WASHC2A: variants seen among roughly 807,000 people sequenced by gnomAD.
The protein encoded by WASHC2A is WASH complex subunit 2A.
WASHC2A carries 82 observed loss-of-function variants against 140.3 expected under a neutral mutation model. The observed-to-expected ratio is 0.58, with a 90% CI of 0.49 to 0.70. The LOEUF is 0.70. Among genes scored for constraint, WASHC2A ranks in the 30% least tolerant of loss-of-function variants. The pLI is 0.00. For missense variants in WASHC2A, 985 were observed against 1,521.8 expected (o/e 0.65, Z 5.87); for synonymous variants, 340 against 560.8 (o/e 0.61, Z 5.56).
At chr10:50,104,006 T>G in intron 17 of WASHC2A, 36 bp from the exon 18 acceptor site, 1 of 1,522,802 alleles carries the variant, frequency 6.6e-7, no homozygotes, top group South Asian at 1.1e-5. Context: ...AAACTGATAT[T>G]CCTGTTAACC....
intron 8 of WASHC2A, among the ~76,000 whole-genome samples, chr10:50,089,720 C>T (rs1468319734): frequency 5.3e-5 from 8 of 152,200 alleles, no homozygotes; most frequent in Non-Finnish European, 4.4e-5. Context: ...GCTCTCTAGT[C>T]GTTACAGCTT....
At chr10:50,101,779 A>C (rs1841210310) in intron 17 of WASHC2A, among the ~76,000 whole-genome samples, 1 of 150,448 alleles carries the variant, frequency 6.6e-6, no homozygotes, top group Non-Finnish European at 1.5e-5. Context: ...GGCCATTGTC[A>C]CTGAGGGTCT....
In WASHC2A at chr10:50,067,991, A is replaced by G. The variant is rs1554874473; in HGVS notation, c.-15A>G. The G allele has an allele frequency of 1.2e-6, 2 of 1,605,406 alleles. No homozygotes were observed. The highest frequency in any genetic ancestry group is 2.3e-4 in the Middle Eastern group (1 of 4,424). On this transcript the variant is annotated 5_prime_UTR_variant, in exon 1 of 31. Coordinates refer to ENST00000282633, the MANE Select transcript of WASHC2A (RefSeq NM_001005751.3). ...GTGCTGGCAGCTTCGGAGCCCACCG[A>G]GCCGGGCGGCTAGGATGGTGAGGGC...
intron 3 of WASHC2A, chr10:50,078,049 T>G: frequency 1.7e-6 from 1 of 587,446 alleles, no homozygotes; most frequent in Admixed American, 3.3e-5. Flanking sequence ...AAACCAAGAA[T>G]CACAGTGATT....
intron 16 of WASHC2A, 45 bp downstream of exon 16, chr10:50,097,847 A>T: frequency 6.2e-7 from 1 of 1,611,474 alleles, no homozygotes; most frequent in Non-Finnish European, 8.5e-7. Flanking sequence ...GATCTGCCGC[A>T]TTTTAATAAT....
At chr10:50,126,210 C>G in intron 26 of WASHC2A, 31 bp downstream of exon 26, 1 of 1,612,654 alleles carries the variant, frequency 6.2e-7, no homozygotes, top group South Asian at 1.1e-5. Context: ...ATTTTCAGCT[C>G]TTGTTTGCAT....
intron 5 of WASHC2A, among the ~76,000 whole-genome samples, chr10:50,082,685 A>G (rs1409896773): frequency 6.8e-6 from 1 of 147,640 alleles, no homozygotes; most frequent in Non-Finnish European, 1.5e-5. Context: ...CACCATGGTG[A>G]CCAGGCTGGT....
Position 50,098,316 on chromosome 10 carries a change from C to T in WASHC2A, c.1548+514C>T, listed in dbSNP as rs1285420797. Among the ~76,000 whole-genome samples, 1,138 of 152,086 alleles carry T rather than the reference C, an allele frequency of 7.5e-3. 30 individuals carry two copies. Among genetic ancestry groups the T allele is most frequent in the South Asian group, 0.071 (337 of 4,778 alleles). Reference sequence around the variant, plus strand: ...ATTTAAAATTATCTCGCATATAGTTCATACTGCAATTTCCTCTCTTGTCCC... The same window carrying T: ...ATTTAAAATTATCTCGCATATAGTTTATACTGCAATTTCCTCTCTTGTCCC... On this transcript the variant is annotated intron_variant, in intron 16 of 30. Coordinates refer to ENST00000282633, the MANE Select transcript of WASHC2A (RefSeq NM_001005751.3).
intron 8 of WASHC2A, among the ~76,000 whole-genome samples, chr10:50,087,542 C>T (rs1839493200): frequency 6.6e-6 from 1 of 151,840 alleles, no homozygotes; most frequent in South Asian, 2.1e-4. Context: ...AAAGAAGTTT[C>T]AAAGAAGTGA....
rs1488506201 is a variant in WASHC2A at position 50,082,991 on chromosome 10, T to A, written c.529-1081T>A. 1.3e-4 allele frequency among the ~76,000 whole-genome samples: 15 copies of A among 116,432 alleles called. 5 individuals carry two copies. Among genetic ancestry groups the A allele is most frequent in the South Asian group, 5.9e-4 (2 of 3,388 alleles). The allele number at this position is 116,432 out of a possible 152,430, so 76.4% of individuals were successfully genotyped here. On this transcript the variant is annotated intron_variant, in intron 5 of 30. Coordinates refer to ENST00000282633, the MANE Select transcript of WASHC2A (RefSeq NM_001005751.3). ...CTTCTGTTTATTGAGTTATAATCTTTTTTATTTATTTATTTATTTATTTTG... is the reference window on the plus strand; with the variant it reads ...CTTCTGTTTATTGAGTTATAATCTTATTTATTTATTTATTTATTTATTTTG...
intron 7 of WASHC2A, among the ~76,000 whole-genome samples, chr10:50,086,064 T>C (rs1387497872): frequency 0.17 from 20,401 of 119,412 alleles, 2,494 homozygotes; most frequent in Middle Eastern, 0.28. Flanking sequence ...GAGTTTGAGT[T>C]TGTGGGCCTT....
At position 50,132,965 on chromosome 10, in the gene WASHC2A, T is replaced by G. The variant is rs1177362748; in HGVS notation, c.*20T>G. 0.32 allele frequency: 516,865 copies of G among 1,602,978 alleles called. 67,025 individuals carry two copies. Among genetic ancestry groups the G allele is most frequent in the Admixed American group, 0.39 (23,108 of 58,664 alleles). ...CAGTAGAGCACACAGGGTATCCACA[T>G]GTTACCCTGCAGCTACATTGTTGAG... is the stretch of plus-strand genomic sequence containing the variant. On this transcript the variant is annotated 3_prime_UTR_variant, in exon 31 of 31. Transcript: ENST00000282633.
intron 28 of WASHC2A, among the ~76,000 whole-genome samples, chr10:50,128,087 G>T (rs1447427405): frequency 6.6e-6 from 1 of 151,166 alleles, no homozygotes; most frequent in Non-Finnish European, 1.5e-5. Flanking sequence ...CCACCTGGGG[G>T]TCTTCTAACC....
intron 20 of WASHC2A, among the ~76,000 whole-genome samples, chr10:50,110,758 T>C (rs1354846872): frequency 2.0e-5 from 3 of 151,662 alleles, no homozygotes; most frequent in African/African-American, 7.3e-5. Context: ...CCGGGTGTGG[T>C]GGCACGCGCC....
At chr10:50,073,205 T>C (rs1312612680) in intron 3 of WASHC2A, among the ~76,000 whole-genome samples, 7 of 152,162 alleles carry the variant, frequency 4.6e-5, no homozygotes, top group Non-Finnish European at 1.0e-4. Context: ...TTAATGACTT[T>C]AGTTTGTTAA....
intron 20 of WASHC2A, among the ~76,000 whole-genome samples, chr10:50,112,871 A>C (rs1423642761): frequency 1.3e-5 from 2 of 149,098 alleles, no homozygotes; most frequent in African/African-American, 4.9e-5. Flanking sequence ...AAAGTAGATT[A>C]GTGGTTGCCA....
Position 50,087,265 on chromosome 10 carries a change from C to T in WASHC2A, c.685-10C>T, listed in dbSNP as rs878862833. The T allele has an allele frequency of 4.3e-6, 7 of 1,613,834 alleles. No individual in the cohort carries two copies. The highest frequency in any genetic ancestry group is 8.5e-7 in the Non-Finnish European group (1 of 1,179,860). On this transcript the variant is annotated splice_polypyrimidine_tract_variant and intron_variant, in intron 7 of 30. Coordinates refer to ENST00000282633, the MANE Select transcript of WASHC2A (RefSeq NM_001005751.3). ...CCATTTAACAACAAAGCCTTTTCTT[C>T]CCCACAAAGGAGTCAGATGAAGATT...
At chr10:50,097,825 C>T (rs1397800012) in intron 16 of WASHC2A, 23 bp downstream of exon 16, 23 of 1,611,188 alleles carry the variant, frequency 1.4e-5, no homozygotes, top group East Asian at 4.5e-5. Context: ...GAAGACTTAA[C>T]GCAGGAGCAT....
At chr10:50,092,022 A>AGTGCTCTG (rs1373643841) in intron 10 of WASHC2A, 140 bp from the exon 11 acceptor site, 1 of 1,587,610 alleles carries the variant, frequency 6.3e-7, no homozygotes, top group Non-Finnish European at 8.6e-7. Context: ...CAGGGGGTTC[A>AGTGCTCTG]GTGCTCTGGT....
Sources: allele counts gnomAD v4.1 joint callset (sites outside exome capture counted in the v4.1 genomes callset), GRCh38; gene constraint gnomAD v4.1.1; transcripts MANE v1.5; gene names NCBI Gene and HGNC (gene_info 2026-07-23, HGNC 2026-07-21).